Variants in UNC93A observed in about 807,000 individuals in gnomAD.
UNC93A encodes N-acetylglucosamine transporter UNC93A.
In UNC93A, 43 loss-of-function variants were observed where a neutral mutation model predicts 47.5. The ratio of observed to expected loss-of-function variants is 0.91; its 90% confidence interval spans 0.71 to 1.17. The LOEUF is 1.17. Ranked by LOEUF, UNC93A falls within the 50% of genes most tolerant of loss-of-function variation. UNC93A has a pLI of 0.00. For synonymous variants in UNC93A, 280 were observed against 258.0 expected, an observed-to-expected ratio of 1.09 and a Z score of -0.82; for missense variants, 605 against 577.6, an observed-to-expected ratio of 1.05 and a Z score of -0.49.
chr6:167,281,612 G>T (rs115879268), intron 1 of UNC93A, among the ~76,000 whole-genome samples: 1,919 of 152,242 alleles, frequency 0.013, 46 homozygotes, highest in African/African-American at 0.044. Context: ...TTTTTACAAC[G>T]TAGCCTGTGT....
At chr6:167,292,762 T>C (rs1256026689) in intron 1 of UNC93A, among the ~76,000 whole-genome samples, 6 of 152,182 alleles carry the variant, frequency 3.9e-5, no homozygotes, top group South Asian at 2.1e-4. Flanking sequence ...GCATGTTGAA[T>C]GTGGTTGGTG....
At chr6:167,300,798 C>G (rs942232905) in intron 4 of UNC93A, among the ~76,000 whole-genome samples, 5 of 152,210 alleles carry the variant, frequency 3.3e-5, no homozygotes, top group Non-Finnish European at 7.3e-5. Context: ...TGAGCTGAGT[C>G]AAGACCATCA....
upstream of UNC93A, among the ~76,000 whole-genome samples, chr6:167,289,160 G>A (rs1325993272): frequency 1.3e-5 from 2 of 152,290 alleles, no homozygotes; most frequent in Non-Finnish European, 1.5e-5. Flanking sequence ...GGTTTCTAGA[G>A]GTTGCACTCT....
At position 167,308,936 on chromosome 6, in the gene UNC93A, G is replaced by A. The variant is rs192657447; in HGVS notation, c.1108+1026G>A. On this transcript the variant is annotated intron_variant, in intron 7 of 7. Transcript: ENST00000230256. Reference sequence around the variant, plus strand: ...AAATGCCAAAGTCCTCACAGAATAGGGTGGCCTGGCCAGGAGGTCAGGCAG... The same window carrying A: ...AAATGCCAAAGTCCTCACAGAATAGAGTGGCCTGGCCAGGAGGTCAGGCAG... Among the ~76,000 whole-genome samples, 110 of 152,198 alleles carry A rather than the reference G, an allele frequency of 7.2e-4. 1 individual carries two copies. Among genetic ancestry groups the A allele is most frequent in the African/African-American group, 2.5e-3 (103 of 41,514 alleles).
intron 4 of UNC93A, 175 bp downstream of exon 4, chr6:167,298,245 CA>C: frequency 9.8e-7 from 1 of 1,018,122 alleles, no homozygotes; most frequent in Non-Finnish European, 1.4e-6. Context: ...GAATCAAATG[CA>C]GTACACCCGT....
chr6:167,287,478 GT>G (rs375044052), upstream of UNC93A, among the ~76,000 whole-genome samples: 84 of 152,232 alleles, frequency 5.5e-4, no homozygotes, highest in African/African-American at 1.9e-3. Flanking sequence ...TCACTGTTTG[GT>G]TCCTCCACTA....
chr6:167,273,020 A>G (rs1007397066), intron 1 of UNC93A, among the ~76,000 whole-genome samples: 3 of 127,260 alleles, frequency 2.4e-5, no homozygotes, highest in Non-Finnish European at 5.1e-5. Context: ...GGGCCATAGA[A>G]TTGTATTTTT....
rs774976653 is a variant in UNC93A, at chr6:167,294,632, A to C, written c.203A>C (p.Lys68Thr). 2.0e-5 allele frequency: 32 copies of C among 1,613,294 alleles called. No homozygotes were observed. Among genetic ancestry groups the C allele is most frequent in the Non-Finnish European group, 2.6e-5 (31 of 1,179,614 alleles). ...PPLLIERLGC[K>T]GTIILSMCGY... ...CTCCTCATCGAGAGGCTGGGCTGCAAGGGGACCATCATCCTCTCCATGTGT... is the reference window on the plus strand; with the variant it reads ...CTCCTCATCGAGAGGCTGGGCTGCACGGGGACCATCATCCTCTCCATGTGT... Residue 68 changes from lysine (K) to threonine (T), a missense_variant, in exon 2 of 8, where the codon AAG becomes ACG. By Grantham distance (78) the Lys-to-Thr change is moderately conservative. Coordinates refer to ENST00000230256, the MANE Select transcript of UNC93A (RefSeq NM_018974.4).
Position 167,306,045 on chromosome 6 carries a change from TGCTGG to T in UNC93A, c.973_976+1del. ...TACACGGGCAGGGCTGTGCTGTACG[TGCTGG>T]GTAGGTATCAGCGTGGGTCCCATCC... On this transcript the variant is annotated frameshift_variant and splice_region_variant, in exon 6 of 8. Coordinates refer to ENST00000230256, the MANE Select transcript of UNC93A (RefSeq NM_018974.4). LOFTEE classifies it high-confidence loss of function. 4.3e-6 allele frequency: 7 copies of T among 1,614,162 alleles called. No individual in the cohort carries two copies. The highest frequency in any genetic ancestry group is 5.9e-6 in the Non-Finnish European group (7 of 1,180,022).
chr6:167,310,698 T>C (rs1778533140), intron 7 of UNC93A, among the ~76,000 whole-genome samples: 1 of 152,116 alleles, frequency 6.6e-6, no homozygotes, highest in Non-Finnish European at 1.5e-5. Context: ...CTGGCCAACA[T>C]GGTAAAACCT....
intron 7 of UNC93A, 129 bp from the exon 8 acceptor site, chr6:167,315,058 T>C: frequency 7.4e-7 from 1 of 1,349,440 alleles, no homozygotes; most frequent in Non-Finnish European, 1.0e-6. Context: ...AAAATCATTC[T>C]GTTGTGAAAA....
chr6:167,298,852 AC>A (rs1477016525), intron 4 of UNC93A, among the ~76,000 whole-genome samples: 1 of 151,844 alleles, frequency 6.6e-6, no homozygotes, highest in Non-Finnish European at 1.5e-5. Flanking sequence ...GGTGGCTCAC[AC>A]CTGTAATCTC....
At chr6:167,295,887 C>A in intron 2 of UNC93A, 145 bp from the exon 3 acceptor site, 1 of 686,802 alleles carries the variant, frequency 1.5e-6, no homozygotes, top group Non-Finnish European at 2.5e-6. Flanking sequence ...TGAATCCATC[C>A]ATCCAACCAG....
At chr6:167,304,402 C>G (rs763787789) in intron 5 of UNC93A, among the ~76,000 whole-genome samples, 2 of 152,168 alleles carry the variant, frequency 1.3e-5, no homozygotes, top group Admixed American at 1.3e-4. Flanking sequence ...GGGAAGGAGC[C>G]GGAACAAGTG....
chr6:167,311,821 C>A (rs181380096), intron 7 of UNC93A, among the ~76,000 whole-genome samples: 6 of 152,408 alleles, frequency 3.9e-5, no homozygotes, highest in Non-Finnish European at 7.3e-5. Flanking sequence ...AGGTACCAAC[C>A]TATAGATCCA....
intron 7 of UNC93A, among the ~76,000 whole-genome samples, chr6:167,312,584 C>T (rs918382686): frequency 5.9e-5 from 9 of 152,342 alleles, no homozygotes; most frequent in East Asian, 3.9e-4. Context: ...TGGTAAGACA[C>T]GGGGCTTATT....
At chr6:167,272,082 G>A (rs1257049622) in intron 1 of UNC93A, among the ~76,000 whole-genome samples, 1 of 152,240 alleles carries the variant, frequency 6.6e-6, no homozygotes, top group Non-Finnish European at 1.5e-5. Flanking sequence ...TTTAGGCAAA[G>A]AGGGGCAGGA....
In UNC93A at chr6:167,294,568, T is replaced by C; in HGVS notation, c.139T>C (p.Tyr47His). Residue 47 changes from tyrosine (Y) to histidine (H), a missense_variant, in exon 2 of 8, where the codon TAT becomes CAT. By Grantham distance (83) the Tyr-to-His change is moderately conservative (BLOSUM62 2). Transcript: ENST00000230256. ...GLGVTALSTL[Y>H]GGMLLSSMFL... ...GGGTGTCACAGCGCTCAGCACCCTC[T>C]ATGGAGGCATGCTCCTGTCCTCCAT... 6.2e-7 allele frequency: 1 copy of C among 1,614,062 alleles called. No individual in the cohort carries two copies. Among genetic ancestry groups the C allele is most frequent in the Middle Eastern group, 1.6e-4 (1 of 6,062 alleles).
chr6:167,269,360 A>G (rs1391925187), upstream of UNC93A, among the ~76,000 whole-genome samples: 1 of 152,246 alleles, frequency 6.6e-6, no homozygotes, highest in Non-Finnish European at 1.5e-5. Flanking sequence ...ATAAGAAGAA[A>G]ACATGTACAA....
Sources: allele counts gnomAD v4.1 joint callset (sites outside exome capture counted in the v4.1 genomes callset), GRCh38; gene constraint gnomAD v4.1.1; transcripts MANE v1.5; gene names NCBI Gene and HGNC (gene_info 2026-07-23, HGNC 2026-07-21).